The following NAALADL2 variants were observed in gnomAD, a reference collection of about 807,000 sequenced individuals.
The protein encoded by NAALADL2 is N-acetylated alpha-linked acidic dipeptidase like 2.
A neutral mutation model predicts 87.2 loss-of-function variants in NAALADL2; 76 were observed. The observed-to-expected ratio is 0.87, with a 90% CI of 0.72 to 1.05. The LOEUF is 1.05. Ranked by LOEUF, NAALADL2 falls within the 50% of genes least tolerant of loss-of-function variation. The pLI is 0.00. For synonymous variants in NAALADL2, 354 were observed against 331.0 expected (o/e 1.07, Z -0.75); for missense variants, 1,089 against 945.8 (o/e 1.15, Z -1.99).
chr3:175,294,234 A>G (rs1355890937), intron 4 of NAALADL2, among the ~76,000 whole-genome samples: 2 of 152,192 alleles, frequency 1.3e-5, no homozygotes, highest in Non-Finnish European at 2.9e-5. Flanking sequence ...TTTACTACAT[A>G]TACTTTTCAA....
At chr3:174,829,349 A>G (rs1199491857) in intron 3 of NAALADL2, among the ~76,000 whole-genome samples, 1 of 149,624 alleles carries the variant, frequency 6.7e-6, no homozygotes, top group African/African-American at 2.5e-5. Flanking sequence ...CCCACCTATG[A>G]GTGAGAATAT....
At chr3:175,660,108 G>A (rs1732044552) in intron 11 of NAALADL2, among the ~76,000 whole-genome samples, 2 of 152,074 alleles carry the variant, frequency 1.3e-5, no homozygotes, top group Admixed American at 1.3e-4. Flanking sequence ...GAGCCAACAA[G>A]CCTCTAGGCC....
At chr3:175,689,207 T>G (rs1250083352) in intron 11 of NAALADL2, among the ~76,000 whole-genome samples, 2 of 151,946 alleles carry the variant, frequency 1.3e-5, no homozygotes, top group Non-Finnish European at 1.5e-5. Flanking sequence ...TTAATGCAAG[T>G]GTTAGATGTA....
intron 5 of NAALADL2, among the ~76,000 whole-genome samples, chr3:175,433,655 A>C (rs1718148676): frequency 1.3e-5 from 2 of 152,078 alleles, no homozygotes; most frequent in African/African-American, 4.8e-5. Flanking sequence ...ACCTTATAAG[A>C]AAGTAGGCAA....
chr3:174,479,985 T>C (rs1717455557), intron 1 of NAALADL2, among the ~76,000 whole-genome samples: 1 of 152,122 alleles, frequency 6.6e-6, no homozygotes, highest in South Asian at 2.1e-4. Flanking sequence ...CATGGTAATA[T>C]GTGAGTTTTG....
chr3:175,326,779 C>T (rs76540231), intron 5 of NAALADL2, among the ~76,000 whole-genome samples: 1,962 of 152,216 alleles, frequency 0.013, 22 homozygotes, highest in Middle Eastern at 0.031. Context: ...CTCAAAATAA[C>T]GCGCCTGCTC....
chr3:175,802,208 A>G (rs1208089196), intron 13 of NAALADL2, among the ~76,000 whole-genome samples: 1 of 152,046 alleles, frequency 6.6e-6, no homozygotes, highest in Non-Finnish European at 1.5e-5. Context: ...TCACATCTAA[A>G]ATATTTGCAA....
At chr3:175,481,003 A>AT (rs1273999120) in intron 9 of NAALADL2, among the ~76,000 whole-genome samples, 2 of 151,832 alleles carry the variant, frequency 1.3e-5, no homozygotes, top group East Asian at 1.9e-4. Context: ...CACTGAGAAC[A>AT]TTTTTTCTTT....
At chr3:175,144,672 TTTTTTCCTTC>T (rs1185295200) in intron 2 of NAALADL2, among the ~76,000 whole-genome samples, 1 of 151,972 alleles carries the variant, frequency 6.6e-6, no homozygotes, top group Non-Finnish European at 1.5e-5. Context: ...TCTCCGTCAC[TTTTTTCCTTC>T]ATATTTTTGG....
chr3:175,341,678 T>G (rs116091472), intron 5 of NAALADL2, among the ~76,000 whole-genome samples: 4,093 of 152,214 alleles, frequency 0.027, 169 homozygotes, highest in African/African-American at 0.093. Context: ...CTTGTTATTT[T>G]TCTGTTGTGG....
chr3:174,625,232 T>C (rs1015996819), intron 2 of NAALADL2, among the ~76,000 whole-genome samples: 2 of 151,828 alleles, frequency 1.3e-5, no homozygotes, highest in Non-Finnish European at 2.9e-5. Flanking sequence ...CTAATTTTGG[T>C]ATTTTAGTAG....
intron 1 of NAALADL2, among the ~76,000 whole-genome samples, chr3:174,495,573 C>G (rs1718479282): frequency 6.6e-6 from 1 of 152,152 alleles, no homozygotes; most frequent in African/African-American, 2.4e-5. Flanking sequence ...GTTTCAATTA[C>G]AAGGCTGCCA....
intron 3 of NAALADL2, among the ~76,000 whole-genome samples, chr3:174,745,737 T>C (rs1487433544): frequency 6.6e-6 from 1 of 152,120 alleles, no homozygotes; most frequent in African/African-American, 2.4e-5. Context: ...AAAAAGCTTA[T>C]CCAATACGAT....
chr3:175,250,305 G>C (rs1179896367), intron 3 of NAALADL2, among the ~76,000 whole-genome samples: 2 of 150,730 alleles, frequency 1.3e-5, no homozygotes, highest in Non-Finnish European at 2.9e-5. Context: ...TTTGTCATGT[G>C]GGGACATAGT....
intron 6 of NAALADL2, among the ~76,000 whole-genome samples, chr3:175,449,341 G>A (rs949146160): frequency 7.3e-5 from 11 of 151,298 alleles, no homozygotes; most frequent in Admixed American, 6.6e-5. Context: ...GTCTCCTAAA[G>A]TGCTGGGATT....
chr3:174,605,062 T>A (rs192113693), intron 2 of NAALADL2, among the ~76,000 whole-genome samples: 1 of 152,294 alleles, frequency 6.6e-6, no homozygotes, highest in Admixed American at 6.5e-5. Flanking sequence ...TCATTGTATG[T>A]TTTTTGGTTT....
intron 2 of NAALADL2, among the ~76,000 whole-genome samples, chr3:175,148,887 CT>C (rs1377084038): frequency 3.3e-5 from 5 of 152,026 alleles, no homozygotes; most frequent in Non-Finnish European, 5.9e-5. Flanking sequence ...ATACATCTGG[CT>C]TTTAGTTTGT....
intron 4 of NAALADL2, among the ~76,000 whole-genome samples, chr3:175,320,232 A>C (rs1044871423): frequency 6.6e-6 from 1 of 151,644 alleles, no homozygotes; most frequent in Non-Finnish European, 1.5e-5. Flanking sequence ...AGCTTTTTAC[A>C]AAAAAAAATC....
At chr3:175,392,601 T>C (rs1334830127) in intron 5 of NAALADL2, among the ~76,000 whole-genome samples, 1 of 152,236 alleles carries the variant, frequency 6.6e-6, no homozygotes, top group Non-Finnish European at 1.5e-5. Context: ...TTGTCTAACA[T>C]TGACTTTTTC....
Sources: allele counts gnomAD v4.1 joint callset (sites outside exome capture counted in the v4.1 genomes callset), GRCh38; gene constraint gnomAD v4.1.1; transcripts MANE v1.5; gene names NCBI Gene and HGNC (gene_info 2026-07-23, HGNC 2026-07-21).